Variants in TMEM132B observed in about 807,000 individuals in gnomAD.
TMEM132B encodes the protein transmembrane protein 132B.
TMEM132B carries 18 observed loss-of-function variants against 90.8 expected under a neutral mutation model. The ratio of observed to expected loss-of-function variants is 0.20; its 90% CI spans 0.14 to 0.29. The LOEUF is 0.29. TMEM132B is among the 10% of genes least tolerant of loss of function. TMEM132B has a pLI of 1.00. For synonymous variants in TMEM132B, 504 were observed against 523.3 expected (o/e 0.96, Z 0.50); for missense variants, 1,096 against 1,326.8 (o/e 0.83, Z 2.70).
At chr12:125,315,414 G>T (rs4082125) in intron 1 of TMEM132B, among the ~76,000 whole-genome samples, 36,170 of 152,010 alleles carry the variant, frequency 0.24, 4,451 homozygotes, top group East Asian at 0.3. Flanking sequence ...GGCCAAGCTG[G>T]TCTCGAACTC....
At chr12:125,353,123 C>T (rs1299056689) in intron 2 of TMEM132B, among the ~76,000 whole-genome samples, 2 of 152,172 alleles carry the variant, frequency 1.3e-5, no homozygotes, top group Non-Finnish European at 2.9e-5. Flanking sequence ...ACTGCCTCTG[C>T]CTCTCAGCAC....
intron 5 of TMEM132B, among the ~76,000 whole-genome samples, chr12:125,641,518 T>C (rs1886630479): frequency 6.6e-6 from 1 of 152,204 alleles, no homozygotes; most frequent in African/African-American, 2.4e-5. Context: ...AGGCATACAC[T>C]TTTTTAAGGG....
At chr12:125,397,998 G>A (rs570284166) in intron 2 of TMEM132B, among the ~76,000 whole-genome samples, 1 of 152,302 alleles carries the variant, frequency 6.6e-6, no homozygotes, top group African/African-American at 2.4e-5. Flanking sequence ...ATAGTGACAA[G>A]GACAGAACAG....
At chr12:125,195,622 A>T (rs184980549) in intron 1 of TMEM132B, among the ~76,000 whole-genome samples, 34 of 151,340 alleles carry the variant, frequency 2.2e-4, no homozygotes, top group Non-Finnish European at 2.1e-4. Context: ...CTGGTCTCGA[A>T]CTCCTGACCT....
intron 3 of TMEM132B, among the ~76,000 whole-genome samples, chr12:125,477,203 AAT>A (rs1015515487): frequency 6.6e-6 from 1 of 151,734 alleles, no homozygotes; most frequent in Non-Finnish European, 1.5e-5. Flanking sequence ...ATCAAATGTG[AAT>A]ATATATATAT....
At chr12:125,526,834 T>G (rs1192180667) in intron 4 of TMEM132B, among the ~76,000 whole-genome samples, 1 of 152,024 alleles carries the variant, frequency 6.6e-6, no homozygotes, top group Non-Finnish European at 1.5e-5. Flanking sequence ...CACTCATTCA[T>G]TCTTCCTTCC....
rs189615399 is a variant in TMEM132B at position 125,477,911 on chromosome 12, A to G, written c.1107-41528A>G. On this transcript the variant is annotated intron_variant, in intron 3 of 8. Transcript: ENST00000682704. ...CTTCCAGAGGAAGGATCAGGCAGCA[A>G]TATTTGCTGTTCTGCAATATTTGCT... 5.6e-4 allele frequency among the ~76,000 whole-genome samples: 84 copies of G among 149,420 alleles called. 1 individual carries two copies. Among genetic ancestry groups the G allele is most frequent in the African/African-American group, 2.0e-3 (83 of 41,370 alleles).
chr12:125,291,542 G>A (rs1875540554), intron 1 of TMEM132B, among the ~76,000 whole-genome samples: 1 of 152,098 alleles, frequency 6.6e-6, no homozygotes, highest in Admixed American at 6.5e-5. Flanking sequence ...AGCAGCCCCT[G>A]GCTGACAGTC....
chr12:125,197,804 A>G (rs1232559599), intron 1 of TMEM132B, among the ~76,000 whole-genome samples: 1 of 152,234 alleles, frequency 6.6e-6, no homozygotes, highest in East Asian at 1.9e-4. Flanking sequence ...CCTCGGTATG[A>G]GAATTGTGGG....
chr12:125,614,204 G>A (rs1381147335), intron 5 of TMEM132B, among the ~76,000 whole-genome samples: 1 of 152,096 alleles, frequency 6.6e-6, no homozygotes, highest in African/African-American at 2.4e-5. Flanking sequence ...GCTGAGACAT[G>A]GAGTGTGGAT....
intron 1 of TMEM132B, among the ~76,000 whole-genome samples, chr12:125,336,027 G>A (rs533915513): frequency 6.6e-6 from 1 of 152,188 alleles, no homozygotes; most frequent in South Asian, 2.1e-4. Flanking sequence ...ACCCTTTTTG[G>A]TATGGAGCGC....
At chr12:125,576,533 T>A (rs913138701) in intron 4 of TMEM132B, among the ~76,000 whole-genome samples, 5 of 138,888 alleles carry the variant, frequency 3.6e-5, no homozygotes, top group African/African-American at 1.1e-4. Context: ...GTGAGAGTCA[T>A]CTTTGTCTCG....
chr12:125,549,630 G>A (rs1432926021), intron 4 of TMEM132B, among the ~76,000 whole-genome samples: 2 of 152,192 alleles, frequency 1.3e-5, no homozygotes, highest in Non-Finnish European at 2.9e-5. Context: ...GCACTGGCCT[G>A]GGAGACAAAT....
At chr12:125,368,800 G>A (rs1352228303) in intron 2 of TMEM132B, among the ~76,000 whole-genome samples, 1 of 151,042 alleles carries the variant, frequency 6.6e-6, no homozygotes, top group Admixed American at 6.7e-5. Context: ...TGTCTTGCTT[G>A]GAAATACAAT....
intron 3 of TMEM132B, among the ~76,000 whole-genome samples, chr12:125,480,042 G>A (rs1593166927): frequency 6.6e-6 from 1 of 152,154 alleles, no homozygotes; most frequent in African/African-American, 2.4e-5. Flanking sequence ...CAGAAATAAA[G>A]ATGTTCTTCG....
intron 1 of TMEM132B, among the ~76,000 whole-genome samples, chr12:125,264,995 T>C (rs973801791): frequency 6.6e-6 from 1 of 152,248 alleles, no homozygotes; most frequent in Non-Finnish European, 1.5e-5. Context: ...ACAAAGTATA[T>C]TTATACAGAC....
chr12:125,451,288 G>A (rs371150406), intron 3 of TMEM132B, among the ~76,000 whole-genome samples: 4 of 152,140 alleles, frequency 2.6e-5, no homozygotes, highest in East Asian at 3.9e-4. Flanking sequence ...AATGCACACC[G>A]AAGTATTTAG....
chr12:125,250,991 A>G (rs980274388), intron 1 of TMEM132B, among the ~76,000 whole-genome samples: 1 of 152,062 alleles, frequency 6.6e-6, no homozygotes, highest in Non-Finnish European at 1.5e-5. Context: ...TCCTTATTTG[A>G]TTTTGTTGTT....
At chr12:125,417,070 G>A (rs980792291) in intron 3 of TMEM132B, among the ~76,000 whole-genome samples, 1 of 152,174 alleles carries the variant, frequency 6.6e-6, no homozygotes, top group African/African-American at 2.4e-5. Context: ...GCACAACGGT[G>A]TCTCCTGGGT....
Sources: gnomAD v4.1 joint callset for allele counts (sites outside exome capture counted in the v4.1 genomes callset) on GRCh38, gnomAD v4.1.1 for gene constraint, MANE v1.5 for transcripts, NCBI Gene and HGNC (gene_info 2026-07-23, HGNC 2026-07-21) for gene names.